The following GRM5 variants were observed in gnomAD, a reference collection of about 807,000 sequenced individuals.
GRM5 encodes the protein metabotropic glutamate receptor 5.
Under a neutral mutation model 83.1 loss-of-function variants are expected in GRM5, and 19 were observed. The observed-to-expected ratio is 0.23, with a 90% confidence interval of 0.16 to 0.34. The LOEUF (loss-of-function observed/expected upper bound fraction) is 0.34, where lower values mean the gene tolerates loss of function less well. Ranked by LOEUF, GRM5 falls within the 10% of genes least tolerant of loss-of-function variation. GRM5 has a pLI of 1.00. For synonymous variants in GRM5, 675 were observed against 633.6 expected (o/e 1.07, Z -0.98); for missense variants, 1,160 against 1,588.3 (o/e 0.73, Z 4.58).
chr11:88,880,649 A>G (rs1944936227), intron 2 of GRM5, among the ~76,000 whole-genome samples: 1 of 152,166 alleles, frequency 6.6e-6, no homozygotes, highest in African/African-American at 2.4e-5. Flanking sequence ...TGTGTTTCCC[A>G]CAAAACCATT....
At chr11:88,724,581 C>T (rs1233762003) in intron 3 of GRM5, among the ~76,000 whole-genome samples, 4 of 152,110 alleles carry the variant, frequency 2.6e-5, no homozygotes, top group African/African-American at 9.7e-5. Context: ...TTACTTACTG[C>T]ATGAATGGAT....
intron 3 of GRM5, among the ~76,000 whole-genome samples, chr11:88,729,993 C>T (rs993412785): frequency 6.6e-6 from 1 of 152,098 alleles, no homozygotes; most frequent in African/African-American, 2.4e-5. Flanking sequence ...GACTAAAACA[C>T]CAAAAGCAAT....
intron 7 of GRM5, among the ~76,000 whole-genome samples, chr11:88,579,319 T>C (rs1209151646): frequency 6.6e-6 from 1 of 152,152 alleles, no homozygotes; most frequent in African/African-American, 2.4e-5. Context: ...AGCCTGGTAT[T>C]CTCAAATGAG....
chr11:88,652,857 G>A (rs1316935634), intron 4 of GRM5, among the ~76,000 whole-genome samples: 1 of 152,082 alleles, frequency 6.6e-6, no homozygotes, highest in Non-Finnish European at 1.5e-5. Flanking sequence ...CTGCATTCAA[G>A]GATGTCAGAA....
At chr11:88,650,770 T>G (rs1310071346) in intron 4 of GRM5, among the ~76,000 whole-genome samples, 1 of 152,072 alleles carries the variant, frequency 6.6e-6, no homozygotes, top group Non-Finnish European at 1.5e-5. Context: ...ATTTTTAATC[T>G]GTTATATTTA....
At chr11:88,838,405 G>A (rs1944133810) in intron 3 of GRM5, among the ~76,000 whole-genome samples, 1 of 152,136 alleles carries the variant, frequency 6.6e-6, no homozygotes, top group South Asian at 2.1e-4. Flanking sequence ...GGAGCAGTCT[G>A]TTCTCTGAAC....
chr11:89,049,023 T>A (rs1346002277), intron 1 of GRM5, among the ~76,000 whole-genome samples: 1 of 152,228 alleles, frequency 6.6e-6, no homozygotes, highest in Non-Finnish European at 1.5e-5. Context: ...TTGTTGTTAT[T>A]AAATTTTCAA....
intron 8 of GRM5, among the ~76,000 whole-genome samples, chr11:88,528,110 C>CA (rs371506255): frequency 1.1e-4 from 3 of 27,714 alleles, no homozygotes; most frequent in African/African-American, 2.3e-4. Context: ...AGAAACAAAA[C>CA]AAAAAACAAA....
chr11:88,712,676 A>C (rs771812993), intron 3 of GRM5, among the ~76,000 whole-genome samples: 5 of 152,016 alleles, frequency 3.3e-5, no homozygotes, highest in African/African-American at 4.8e-5. Flanking sequence ...CACAGAAAAT[A>C]GACTAGGAGT....
intron 3 of GRM5, among the ~76,000 whole-genome samples, chr11:88,655,544 T>C (rs988051230): frequency 6.6e-6 from 1 of 152,172 alleles, no homozygotes; most frequent in African/African-American, 2.4e-5. Context: ...CACAGTTCAT[T>C]CATTGAATTT....
At chr11:88,616,214 T>G (rs2135249079) in intron 4 of GRM5, among the ~76,000 whole-genome samples, 1 of 152,292 alleles carries the variant, frequency 6.6e-6, no homozygotes, top group South Asian at 2.1e-4. Context: ...ATATGATTTC[T>G]TCACATTCAA....
At chr11:88,652,166 A>G (rs1939648665) in intron 4 of GRM5, among the ~76,000 whole-genome samples, 2 of 152,104 alleles carry the variant, frequency 1.3e-5, no homozygotes, top group Admixed American at 6.6e-5. Flanking sequence ...AAGATTTTAG[A>G]TAATTTATTA....
intron 2 of GRM5, among the ~76,000 whole-genome samples, chr11:88,885,001 A>C (rs1267113869): frequency 6.6e-6 from 1 of 152,182 alleles, no homozygotes; most frequent in African/African-American, 2.4e-5. Flanking sequence ...CCACATTTCA[A>C]AATTTCCACA....
chr11:89,013,535 C>T (rs1272116638), intron 2 of GRM5, among the ~76,000 whole-genome samples: 1 of 152,144 alleles, frequency 6.6e-6, no homozygotes, highest in East Asian at 1.9e-4. Flanking sequence ...GGCGTCAAGC[C>T]TCACTCTCAC....
intron 3 of GRM5, among the ~76,000 whole-genome samples, chr11:88,820,040 T>C (rs189612178): frequency 2.8e-4 from 43 of 152,160 alleles, no homozygotes; most frequent in African/African-American, 9.2e-4. Flanking sequence ...GTACTGGGGA[T>C]TAAGTTTCCC....
At chr11:88,828,678 A>G (rs1280957990) in intron 3 of GRM5, among the ~76,000 whole-genome samples, 1 of 152,156 alleles carries the variant, frequency 6.6e-6, no homozygotes, top group Admixed American at 6.5e-5. Context: ...TATCATTAGT[A>G]TAAGGATTGG....
intron 2 of GRM5, among the ~76,000 whole-genome samples, chr11:88,854,161 T>G (rs1944433568): frequency 6.6e-6 from 1 of 151,604 alleles, no homozygotes; most frequent in South Asian, 2.1e-4. Context: ...CATCAGCATA[T>G]TATTCATTTT....
chr11:88,870,473 A>G (rs1191209481), intron 2 of GRM5, among the ~76,000 whole-genome samples: 9 of 151,540 alleles, frequency 5.9e-5, no homozygotes, highest in Non-Finnish European at 8.9e-5. Context: ...GTCACAGACA[A>G]CAGAAAGCAA....
At chr11:88,615,057 T>A (rs1210140964) in intron 4 of GRM5, among the ~76,000 whole-genome samples, 1 of 152,134 alleles carries the variant, frequency 6.6e-6, no homozygotes, top group African/African-American at 2.4e-5. Flanking sequence ...GGCCCAGGTA[T>A]GTACAGAAGG....
Sources: gnomAD v4.1 joint callset for allele counts (sites outside exome capture counted in the v4.1 genomes callset) on GRCh38, gnomAD v4.1.1 for gene constraint, MANE v1.5 for transcripts, NCBI Gene and HGNC (gene_info 2026-07-23, HGNC 2026-07-21) for gene names.